COG6: variants seen among roughly 807,000 people sequenced by gnomAD.
COG6 encodes the protein component of oligomeric golgi complex 6, also known as conserved oligomeric Golgi complex subunit 6.
In COG6, 74 loss-of-function variants were observed where a neutral mutation model predicts 88.8. The observed-to-expected ratio is 0.83, with a 90% CI of 0.69 to 1.01. The LOEUF (loss-of-function observed/expected upper bound fraction) is 1.01. Among genes scored for constraint, COG6 ranks in the 50% least tolerant of loss-of-function variants. The pLI is 0.00. For missense variants in COG6, 800 were observed against 797.9 expected, an observed-to-expected ratio of 1.00 and a Z score of -0.03; for synonymous variants, 286 against 278.7, an observed-to-expected ratio of 1.03 and a Z score of -0.26.
In COG6 at chr13:39,751,688, A is replaced by G; in HGVS notation, c.*595A>G. On this transcript the variant is annotated 3_prime_UTR_variant, in exon 19 of 19. Coordinates refer to ENST00000455146, the MANE Select transcript of COG6 (RefSeq NM_020751.3). ...TCTGTTCTACTTTAGCATACTATAT[A>G]TATTTGACTGTGTACATTCTTATGC... The G allele has an allele frequency of 2.3e-6, 3 of 1,286,910 alleles. No individual in the cohort carries two copies. The highest frequency in any genetic ancestry group is 3.0e-6 in the Non-Finnish European group (3 of 988,454). The allele number at this position is 1,286,910 out of a possible 1,614,324, so 79.7% of individuals were successfully genotyped here.
downstream of COG6, among the ~76,000 whole-genome samples, chr13:39,753,285 A>G (rs578201052): frequency 4.3e-4 from 66 of 152,308 alleles, no homozygotes; most frequent in African/African-American, 1.6e-3. Flanking sequence ...CAGTGAGAAG[A>G]CAGCCATCAG....
intron 1 of COG6, 72 bp downstream of exon 1, chr13:39,655,951 A>G (rs1376067642): frequency 2.6e-5 from 40 of 1,533,832 alleles, no homozygotes; most frequent in Non-Finnish European, 3.4e-5. Flanking sequence ...GGCGTCTGTC[A>G]GGGACCCACC....
intron 8 of COG6, among the ~76,000 whole-genome samples, chr13:39,683,915 TC>T (rs1876469903): frequency 6.6e-6 from 1 of 152,168 alleles, no homozygotes. Context: ...CTTTGAGAAG[TC>T]CGTGTACCTT....
intron 15 of COG6, 101 bp from the exon 16 acceptor site, chr13:39,723,232 G>GTGAT: frequency 1.4e-6 from 1 of 735,498 alleles, no homozygotes; most frequent in Non-Finnish European, 2.5e-6. Flanking sequence ...TGTTACAGAG[G>GTGAT]TGATCCCTGT....
intron 18 of COG6, among the ~76,000 whole-genome samples, chr13:39,765,155 A>G (rs970287622): frequency 3.8e-5 from 2 of 52,846 alleles, no homozygotes; most frequent in African/African-American, 6.4e-5. Flanking sequence ...TTGTTCCTTA[A>G]AAAAGAGTCG....
intron 7 of COG6, among the ~76,000 whole-genome samples, chr13:39,681,139 A>G (rs1876289789): frequency 6.6e-6 from 1 of 152,234 alleles, no homozygotes; most frequent in African/African-American, 2.4e-5. Flanking sequence ...GAACAGGAGC[A>G]CATATTTTAA....
chr13:39,779,700 T>C (rs1165065092), intron 18 of COG6, among the ~76,000 whole-genome samples: 1 of 152,152 alleles, frequency 6.6e-6, no homozygotes, highest in East Asian at 1.9e-4. Context: ...CGTGGCTTCA[T>C]TGAACGAAGA....
rs1190636194 is a variant in COG6 at position 39,656,271 on chromosome 13, A to G, written c.153+392A>G. The G allele has an allele frequency of 2.2e-6, 1 of 454,548 alleles. No individual in the cohort carries two copies. The highest frequency in any genetic ancestry group is 6.8e-5 in the East Asian group (1 of 14,720). The allele number at this position is 454,548 out of a possible 1,614,324, so 28.2% of individuals were successfully genotyped here. ...CAGATGCAAAAGAGCAGATTCCAAG[A>G]TAAGGTAGCGCAAATGGGGGTCGGG... On this transcript the variant is annotated intron_variant, in intron 1 of 18. Transcript: ENST00000455146.
intron 18 of COG6, among the ~76,000 whole-genome samples, chr13:39,776,641 T>C (rs914873483): frequency 1.3e-5 from 2 of 152,186 alleles, no homozygotes; most frequent in Non-Finnish European, 2.9e-5. Flanking sequence ...ATCAGAGAAA[T>C]TGAAGATGAA....
intron 18 of COG6, among the ~76,000 whole-genome samples, chr13:39,749,528 T>A (rs372393426): frequency 3.2e-4 from 48 of 152,302 alleles, no homozygotes; most frequent in African/African-American, 1.1e-3. Flanking sequence ...AGAAGCTTTA[T>A]TGTAAGTTAG....
chr13:39,689,629 G>A, intron 10 of COG6, 131 bp from the exon 11 acceptor site: 1 of 634,790 alleles, frequency 1.6e-6, no homozygotes, highest in Admixed American at 2.5e-5. Flanking sequence ...CTAAAATATT[G>A]TTATGGTTAT....
At chr13:39,659,321 A>C in intron 1 of COG6, 43 bp from the exon 2 acceptor site, 1 of 1,584,936 alleles carries the variant, frequency 6.3e-7, no homozygotes. Context: ...GAAACCATTT[A>C]AAAATTAGTT....
intron 17 of COG6, among the ~76,000 whole-genome samples, chr13:39,725,193 T>G (rs1879068306): frequency 1.3e-5 from 2 of 151,856 alleles, no homozygotes. Context: ...ATGATCCCTT[T>G]TGGAAGTTTT....
At position 39,678,628 on chromosome 13, in the gene COG6, G is replaced by A. The variant is rs541178771; in HGVS notation, c.541-910G>A. On this transcript the variant is annotated intron_variant, in intron 5 of 18. Coordinates refer to ENST00000455146, the MANE Select transcript of COG6 (RefSeq NM_020751.3). ...CAGAAAGGAATCTTTTGGTCTTCTC[G>A]CTGGGAAGAACTGTAAACTTAAGCC... is the stretch of plus-strand genomic sequence containing the variant. 2.6e-5 allele frequency among the ~76,000 whole-genome samples: 4 copies of A among 151,636 alleles called. No homozygotes were observed. In the South Asian group the frequency reaches 6.2e-4, roughly 24 times the overall value.
intron 13 of COG6, among the ~76,000 whole-genome samples, chr13:39,712,049 G>A (rs943044492): frequency 1.2e-4 from 19 of 152,050 alleles, no homozygotes; most frequent in African/African-American, 4.6e-4. Flanking sequence ...TAGTAGAGAC[G>A]GGGTTTCGCC....
chr13:39,695,967 GTTTA>G (rs1351734173), intron 12 of COG6, among the ~76,000 whole-genome samples: 2 of 151,818 alleles, frequency 1.3e-5, no homozygotes, highest in African/African-American at 2.4e-5. Context: ...TTTTAAAATT[GTTTA>G]TTTAATAATG....
intron 4 of COG6, among the ~76,000 whole-genome samples, chr13:39,666,964 G>A (rs1053640628): frequency 1.3e-5 from 2 of 152,122 alleles, no homozygotes; most frequent in Non-Finnish European, 2.9e-5. Flanking sequence ...TAGACCTGTG[G>A]CTTTCAAACC....
At chr13:39,680,659 T>A (rs1039646328) in intron 7 of COG6, among the ~76,000 whole-genome samples, 1 of 152,234 alleles carries the variant, frequency 6.6e-6, no homozygotes, top group Non-Finnish European at 1.5e-5. Flanking sequence ...TTTGCAGCAC[T>A]GAGGTCTGTG....
chr13:39,752,934 G>T (rs138320643), downstream of COG6, among the ~76,000 whole-genome samples: 96 of 152,284 alleles, frequency 6.3e-4, no homozygotes, highest in African/African-American at 2.3e-3. Context: ...GAGAGGAAAG[G>T]TGTTTGAATG....
Sources: gnomAD v4.1 joint callset for allele counts (sites outside exome capture counted in the v4.1 genomes callset) on GRCh38, gnomAD v4.1.1 for gene constraint, MANE v1.5 for transcripts, NCBI Gene and HGNC (gene_info 2026-07-23, HGNC 2026-07-21) for gene names.